Variants in HDLBP observed in about 807,000 individuals in gnomAD.
The protein encoded by HDLBP is high density lipoprotein binding protein, also known as vigilin.
In HDLBP, 30 loss-of-function variants were observed where a neutral mutation model predicts 137.3. That is an observed-to-expected ratio of 0.22 (90% CI 0.16 to 0.30). The LOEUF is 0.30. HDLBP is among the 10% of genes least tolerant of loss of function. HDLBP has a pLI of 1.00. For synonymous variants in HDLBP, 606 were observed against 596.0 expected (o/e 1.02, Z -0.24); for missense variants, 1,119 against 1,667.3 (o/e 0.67, Z 5.73).
chr2:241,267,206 TAAAC>T (rs545391094), intron 2 of HDLBP, among the ~76,000 whole-genome samples: 295 of 152,020 alleles, frequency 1.9e-3, no homozygotes, highest in Admixed American at 4.4e-3. Context: ...TGATAGCTAA[TAAAC>T]AAACAAAAAC....
chr2:241,313,736 G>GT (rs575851526), intron 1 of HDLBP, among the ~76,000 whole-genome samples: 104 of 152,286 alleles, frequency 6.8e-4, no homozygotes, highest in African/African-American at 2.4e-3. Flanking sequence ...GGAAAAATAC[G>GT]TATTTACTCA....
chr2:241,260,904 G>A (rs756989323), intron 5 of HDLBP, among the ~76,000 whole-genome samples: 1 of 152,108 alleles, frequency 6.6e-6, no homozygotes, highest in Non-Finnish European at 1.5e-5. Flanking sequence ...AAAAAGGGGA[G>A]GATTGGCTGG....
chr2:241,302,639 C>CCT (rs1307024739), intron 1 of HDLBP: 1 of 152,264 alleles, frequency 6.6e-6, no homozygotes, highest in African/African-American at 2.4e-5. Flanking sequence ...TGCCTCCTTA[C>CCT]CTCTATCTGT....
intron 1 of HDLBP, among the ~76,000 whole-genome samples, chr2:241,306,829 C>T (rs977150503): frequency 1.7e-4 from 26 of 149,306 alleles, no homozygotes; most frequent in African/African-American, 4.5e-4. Flanking sequence ...TTGCAGTGAG[C>T]GGAGATCATG....
At chr2:241,258,181 G>A (rs370141293) in intron 5 of HDLBP, among the ~76,000 whole-genome samples, 32 of 150,262 alleles carry the variant, frequency 2.1e-4, no homozygotes, top group Middle Eastern at 3.5e-3. Flanking sequence ...GGTGGATCAC[G>A]AGGTCACCAA....
At chr2:241,313,599 A>G (rs146912978) in intron 1 of HDLBP, among the ~76,000 whole-genome samples, 2 of 152,168 alleles carry the variant, frequency 1.3e-5, no homozygotes, top group Non-Finnish European at 2.9e-5. Flanking sequence ...TATCCTCTCA[A>G]CCTTTGTATC....
rs200099728 is a variant in HDLBP, at chr2:241,235,458, C to T, written c.3009+32G>A. The T allele has an allele frequency of 7.0e-6, 11 of 1,568,810 alleles. No individual in the cohort carries two copies. The African/African-American group carries it at 1.5e-4, about 21-fold the overall frequency. ...CGGGAGAGGATGCGACAGGCCACTC[C>T]TGTGACATGGCCTCCCGGGAAAGGG... On this transcript the variant is annotated intron_variant, in intron 22 of 27. Transcript: ENST00000310931.
intron 1 of HDLBP, among the ~76,000 whole-genome samples, chr2:241,307,065 C>G (rs1300428865): frequency 1.4e-5 from 1 of 70,200 alleles, no homozygotes; most frequent in African/African-American, 6.0e-5. Flanking sequence ...ATTTTTGTTT[C>G]TTTTTTGGGG....
intron 3 of HDLBP, 142 bp downstream of exon 3, chr2:241,266,652 A>C: frequency 1.5e-6 from 1 of 647,692 alleles, no homozygotes; most frequent in East Asian, 2.5e-5. Context: ...ATGCGAAAAC[A>C]GTGCACAAGA....
chr2:241,297,533 T>C (rs964287272), intron 1 of HDLBP, among the ~76,000 whole-genome samples: 3 of 152,200 alleles, frequency 2.0e-5, no homozygotes, highest in African/African-American at 7.2e-5. Context: ...ATGTTTTGTA[T>C]ATGTATGTAT....
Position 241,239,952 on chromosome 2 carries a change from C to T in HDLBP, c.2340G>A (p.Glu780=). 2.5e-6 allele frequency: 4 copies of T among 1,614,216 alleles called. No homozygotes were observed. Among genetic ancestry groups the T allele is most frequent in the Non-Finnish European group, 3.4e-6 (4 of 1,180,030 alleles). ...CCTTCTGTGCCTCTCGGACGGCGTC[C>T]TCCTTTCCAATGATGGTGATCAGGT... The part of the protein sequence containing the change: ...DQDLITIIGK[E]DAVREAQKEL... Residue 780 remains glutamate, a synonymous_variant, in exon 18 of 28, where the codon GAG becomes GAA. Transcript: ENST00000310931. This position sits in a 1 kb window ranked among gnomAD's most constrained non-coding sequence, Gnocchi z 4.6.
intron 16 of HDLBP, among the ~76,000 whole-genome samples, chr2:241,246,153 A>G (rs1330848958): frequency 6.6e-6 from 1 of 152,194 alleles, no homozygotes; most frequent in Non-Finnish European, 1.5e-5. Context: ...GCAAAGTGAA[A>G]GCAGATGGGC....
chr2:241,256,476 G>A, intron 6 of HDLBP, 77 bp from the exon 7 acceptor site: 1 of 1,495,962 alleles, frequency 6.7e-7, no homozygotes, highest in Non-Finnish European at 9.2e-7. Flanking sequence ...TTTAGAGTTG[G>A]AGTCAAGCCC....
chr2:241,294,741 T>C (rs1337350048), intron 1 of HDLBP, among the ~76,000 whole-genome samples: 1 of 152,176 alleles, frequency 6.6e-6, no homozygotes, highest in East Asian at 1.9e-4. Context: ...CAAGACATCA[T>C]GACTAAGAAT....
In HDLBP at chr2:241,242,490, C is replaced by T. The variant is rs142471255; in HGVS notation, c.2139G>A (p.Lys713=). ...RGPSSDVEKA[K]KQLLHLAEEK... is the part of the protein sequence containing the mutation. ...CCTCCGCCAGATGCAGGAGCTGCTT[C>T]TTGGCCTTCTCCACATCCGAGGAAG... Residue 713 remains lysine, a synonymous_variant, in exon 17 of 28, where the codon AAG becomes AAA. Coordinates refer to ENST00000310931, the MANE Select transcript of HDLBP (RefSeq NM_005336.6). 10 of 1,614,210 alleles carry T rather than the reference C, an allele frequency of 6.2e-6. No homozygotes were observed. The highest frequency in any genetic ancestry group is 8.5e-6 in the Non-Finnish European group (10 of 1,180,020).
intron 1 of HDLBP, among the ~76,000 whole-genome samples, chr2:241,282,011 T>C (rs1454856512): frequency 6.6e-6 from 1 of 152,232 alleles, no homozygotes. Flanking sequence ...ATTACAAATC[T>C]TTTGTGTTTA....
Position 241,230,152 on chromosome 2 carries a change from C to G in HDLBP, c.3591+1G>C. 1 of 1,610,238 alleles carries G rather than the reference C, an allele frequency of 6.2e-7. No individual in the cohort carries two copies. The highest frequency in any genetic ancestry group is 8.5e-7 in the Non-Finnish European group (1 of 1,176,600). ...GGGCTCCAAGGCCCACAGAGACTCA[C>G]GTATTCCTCCTCCAGATTGAGGATG... On this transcript the variant is annotated splice_donor_variant, in intron 26 of 27. Transcript: ENST00000310931. LOFTEE classifies it high-confidence loss of function. This position sits in a 1 kb window ranked among gnomAD's most constrained non-coding sequence, Gnocchi z 5.0.
In HDLBP at chr2:241,245,120, A is replaced by G. The variant is rs192132389; in HGVS notation, c.1950+1632T>C. Among the ~76,000 whole-genome samples, 53 of 152,336 alleles carry G rather than the reference A, an allele frequency of 3.5e-4. No homozygotes were observed. In the East Asian group the frequency reaches 6.9e-3, roughly 20 times the overall value. The stretch of plus-strand genomic sequence containing the variant: ...TGTTTGTTAAACATATGTAATAAAT[A>G]TAAATATGTGATATATAACATATAT... On this transcript the variant is annotated intron_variant, in intron 16 of 27. Transcript: ENST00000310931.
intron 2 of HDLBP, chr2:241,268,008 C>T: frequency 3.4e-6 from 3 of 894,978 alleles, no homozygotes; most frequent in East Asian, 1.2e-4. Flanking sequence ...CTTCCCTCTC[C>T]CCAGTTCCAG....
Sources: gnomAD v4.1 joint callset for allele counts (sites outside exome capture counted in the v4.1 genomes callset) on GRCh38, gnomAD v4.1.1 for gene constraint, Gnocchi (gnomAD v3.1) non-coding constraint, MANE v1.5 for transcripts, NCBI Gene and HGNC (gene_info 2026-07-23, HGNC 2026-07-21) for gene names.